The following NLRP7 variants were observed in gnomAD, a reference collection of about 807,000 sequenced individuals.
NLRP7 encodes NACHT, LRR and PYD domains-containing protein 7.
NLRP7 carries 72 observed loss-of-function variants against 85.5 expected under a neutral mutation model. The observed-to-expected ratio is 0.84, with a 90% CI of 0.70 to 1.02. The LOEUF is 1.02. NLRP7 is among the 50% of genes least tolerant of loss of function. The pLI is 0.00. For missense variants in NLRP7, 1,243 were observed against 1,219.5 expected, an observed-to-expected ratio of 1.02 and a Z score of -0.29; for synonymous variants, 550 against 505.2, an observed-to-expected ratio of 1.09 and a Z score of -1.19.
Position 54,934,482 on chromosome 19 carries a change from G to C in NLRP7, c.2471+7C>G, listed in dbSNP as rs780561484. ...ACCAGAGCTGCCCATGGGAAGAGGA[G>C]ACTTACGACAACATCTGCAGGAAGT... On this transcript the variant is annotated splice_region_variant and intron_variant, in intron 7 of 9. Transcript: ENST00000340844. The surrounding 1 kb of genome is among the most constrained non-coding windows in gnomAD (Gnocchi z 6.7). The C allele has an allele frequency of 6.2e-6, 10 of 1,614,032 alleles. No individual in the cohort carries two copies. The highest frequency in any genetic ancestry group is 8.5e-6 in the Non-Finnish European group (10 of 1,179,900).
intron 7 of NLRP7, among the ~76,000 whole-genome samples, chr19:54,933,981 CGCCCAG>C (rs1371058802): frequency 6.6e-6 from 1 of 152,140 alleles, no homozygotes; most frequent in Non-Finnish European, 1.5e-5. Context: ...CTCGCTCTGT[CGCCCAG>C]GCTGGAGTGC....
chr19:54,952,603 A>T (rs984186254), intron 1 of NLRP7, among the ~76,000 whole-genome samples: 2 of 151,940 alleles, frequency 1.3e-5, no homozygotes, highest in Non-Finnish European at 2.9e-5. Flanking sequence ...CAAAAAAAAA[A>T]AAAACCCTAG....
At chr19:54,948,358 T>C (rs2069561488), upstream of NLRP7, among the ~76,000 whole-genome samples, 1 of 152,056 alleles carries the variant, frequency 6.6e-6, no homozygotes, top group Admixed American at 6.6e-5. Context: ...CACTCCAGCC[T>C]GGGTGACAAG....
chr19:54,926,871 GC>G (rs1475527609), intron 9 of NLRP7, among the ~76,000 whole-genome samples: 1 of 148,108 alleles, frequency 6.8e-6, no homozygotes, highest in Non-Finnish European at 1.5e-5. Context: ...AGCCGAGATA[GC>G]GCCACTGCAC....
rs781722944 is a variant in NLRP7, at chr19:54,933,757, A to C, written c.2472-18T>G. ...TTTCCAACCTGCAAAAATATGAAAC[A>C]AATGGTAGAAGGATGAGAACATTTC... On this transcript the variant is annotated intron_variant, in intron 7 of 9. Coordinates refer to ENST00000340844, the Ensembl canonical transcript of NLRP7. 1.9e-6 allele frequency: 3 copies of C among 1,609,932 alleles called. No homozygotes were observed. In the South Asian group the frequency reaches 3.3e-5, roughly 18 times the overall value.
intron 2 of NLRP7, 115 bp downstream of exon 2, chr19:54,941,320 G>A (rs2069209047): frequency 1.3e-6 from 1 of 776,758 alleles, no homozygotes; most frequent in Non-Finnish European, 2.1e-6. Flanking sequence ...AGTGAGCCCA[G>A]ATCTCGCCAC....
intron 9 of NLRP7, chr19:54,927,614 T>C: frequency 6.2e-7 from 1 of 1,613,970 alleles, no homozygotes; most frequent in Non-Finnish European, 8.5e-7. Context: ...CCTGAGTATC[T>C]TCAAGGATCC....
At chr19:54,941,513 T>G (rs1216663768) in exon 2 of NLRP7, 1 of 1,613,768 alleles carries the variant, frequency 6.2e-7, no homozygotes, top group Non-Finnish European at 8.5e-7. Flanking sequence ...GCATTCCTTA[T>G]CCAATTTTCT....
chr19:54,958,363 C>T (rs769950932), intron 1 of NLRP7, among the ~76,000 whole-genome samples: 123 of 151,944 alleles, frequency 8.1e-4, no homozygotes, highest in Non-Finnish European at 1.4e-3. Context: ...CTAGTATTGC[C>T]GGGTGCAGTG....
chr19:54,946,140 C>T (rs1484502277), intron 1 of NLRP7, among the ~76,000 whole-genome samples: 1 of 151,684 alleles, frequency 6.6e-6, no homozygotes, highest in East Asian at 1.9e-4. Flanking sequence ...CTCCTGACCT[C>T]AGCTGATCCA....
chr19:54,950,715 T>A (rs1246209088), upstream of NLRP7, among the ~76,000 whole-genome samples: 8 of 150,594 alleles, frequency 5.3e-5, 1 homozygote, highest in Non-Finnish European at 4.4e-5. Context: ...AATCGGGGTT[T>A]ACACCCATAC....
chr19:54,924,813 G>GT (rs1395003635), intron 9 of NLRP7, among the ~76,000 whole-genome samples: 3 of 152,024 alleles, frequency 2.0e-5, no homozygotes, highest in East Asian at 3.9e-4. Context: ...GCAGACAACT[G>GT]TAATACCAGC....
At chr19:54,933,901 C>T (rs1372548320) in intron 7 of NLRP7, among the ~76,000 whole-genome samples, 162 bp from the exon 8 acceptor site, 4 of 152,290 alleles carry the variant, frequency 2.6e-5, no homozygotes, top group Non-Finnish European at 4.4e-5. Context: ...AGCAGGAAGG[C>T]GAGAAGGCCA....
chr19:54,955,341 A>C (rs1286604651), intron 1 of NLRP7, among the ~76,000 whole-genome samples: 1 of 152,012 alleles, frequency 6.6e-6, no homozygotes, highest in Non-Finnish European at 1.5e-5. Context: ...AAAATAAATA[A>C]ATAAAATCAT....
At chr19:54,964,072 G>T (rs1228564617) in intron 1 of NLRP7, among the ~76,000 whole-genome samples, 4 of 150,192 alleles carry the variant, frequency 2.7e-5, no homozygotes, top group Non-Finnish European at 5.9e-5. Flanking sequence ...GTTGAGACGG[G>T]GTTTCATCAT....
chr19:54,930,323 A>G lies in NLRP7; in HGVS notation c.2810+176T>C, dbSNP rs114252564. On this transcript the variant is annotated intron_variant, in intron 9 of 9. Coordinates refer to ENST00000340844, the Ensembl canonical transcript of NLRP7. ...CTCTACAGAAAACAGTTACCTGGCC[A>G]TGGTAATACATGCCTGTAGAGCCAG... Among the ~76,000 whole-genome samples the G allele has an allele frequency of 3.7e-3, 560 of 151,868 alleles. 5 individuals are homozygous for G. The highest frequency in any genetic ancestry group is 0.013 in the African/African-American group (541 of 41,404).
At chr19:54,940,778 G>A (rs929814472) in intron 3 of NLRP7, among the ~76,000 whole-genome samples, 153 bp downstream of exon 3, 1 of 151,142 alleles carries the variant, frequency 6.6e-6, no homozygotes, top group African/African-American at 2.4e-5. Flanking sequence ...AATGAGCAGA[G>A]ACGGAGCCAC....
At chr19:54,947,506 C>T, upstream of NLRP7, 1 of 1,289,754 alleles carries the variant, frequency 7.8e-7, no homozygotes, top group Non-Finnish European at 1.0e-6. Flanking sequence ...CCTGTGTTTC[C>T]TGCAAAGGAA....
chr19:54,929,440 G>A (rs1401401755), intron 9 of NLRP7, among the ~76,000 whole-genome samples: 2 of 152,102 alleles, frequency 1.3e-5, no homozygotes, highest in African/African-American at 4.8e-5. Context: ...GTAATGACGT[G>A]CAGATTCTCT....
Sources: allele counts gnomAD v4.1 joint callset (sites outside exome capture counted in the v4.1 genomes callset), GRCh38; gene constraint gnomAD v4.1.1; non-coding constraint Gnocchi (gnomAD v3.1); transcripts MANE v1.5; gene names NCBI Gene and HGNC (gene_info 2026-07-23, HGNC 2026-07-21).